The following TMEM132C variants were observed in gnomAD, a reference collection of about 807,000 sequenced individuals.
TMEM132C encodes the protein protein phosphatase 1, regulatory subunit 152.
Under a neutral mutation model 61.4 loss-of-function variants are expected in TMEM132C, and 29 were observed. That is an observed-to-expected ratio of 0.47 (90% CI 0.35 to 0.64). The LOEUF is 0.64. TMEM132C is among the 30% of genes least tolerant of loss of function. The pLI, the probability that TMEM132C is intolerant of heterozygous loss-of-function variation, is 0.00. For synonymous variants in TMEM132C, 656 were observed against 633.1 expected, an observed-to-expected ratio of 1.04 and a Z score of -0.54; for missense variants, 1,408 against 1,476.9, an observed-to-expected ratio of 0.95 and a Z score of 0.76.
chr12:128,588,654 G>C (rs1363291938), intron 3 of TMEM132C, among the ~76,000 whole-genome samples: 3 of 151,994 alleles, frequency 2.0e-5, no homozygotes, highest in African/African-American at 7.3e-5. Flanking sequence ...TTAGGGAGTG[G>C]GGACTATGAA....
At chr12:128,438,494 T>A (rs1054981122) in intron 2 of TMEM132C, among the ~76,000 whole-genome samples, 1 of 152,164 alleles carries the variant, frequency 6.6e-6, no homozygotes, top group African/African-American at 2.4e-5. Flanking sequence ...TCCTGAACTT[T>A]CCAGTCATCA....
At chr12:128,512,679 A>G (rs1160757072) in intron 2 of TMEM132C, among the ~76,000 whole-genome samples, 1 of 152,200 alleles carries the variant, frequency 6.6e-6, no homozygotes, top group Non-Finnish European at 1.5e-5. Flanking sequence ...GAGCTGCTGG[A>G]TCACAGGGAA....
At chr12:128,481,546 G>A (rs549089398) in intron 2 of TMEM132C, among the ~76,000 whole-genome samples, 3 of 152,328 alleles carry the variant, frequency 2.0e-5, no homozygotes, top group South Asian at 4.1e-4. Flanking sequence ...ACCCCCTGCC[G>A]TGCGGATGAG....
At chr12:128,436,170 A>G (rs1360619725) in intron 2 of TMEM132C, among the ~76,000 whole-genome samples, 1 of 152,184 alleles carries the variant, frequency 6.6e-6, no homozygotes, top group Non-Finnish European at 1.5e-5. Flanking sequence ...AAAGACTTAA[A>G]TGTTAGACCT....
intron 3 of TMEM132C, among the ~76,000 whole-genome samples, chr12:128,605,022 A>AATGGATGGATGG (rs3044836): frequency 6.7e-6 from 1 of 149,374 alleles, no homozygotes; most frequent in African/African-American, 2.5e-5. Context: ...ATAATAGATG[A>AATGGATGGATGG]ATGGATGGAT....
intron 3 of TMEM132C, among the ~76,000 whole-genome samples, chr12:128,554,295 G>A (rs1393939026): frequency 6.6e-6 from 1 of 152,178 alleles, no homozygotes; most frequent in Non-Finnish European, 1.5e-5. Context: ...GAATGACCAT[G>A]CCCTGCAGGC....
chr12:128,642,020 G>C (rs1173604216), intron 4 of TMEM132C, among the ~76,000 whole-genome samples: 2 of 150,712 alleles, frequency 1.3e-5, no homozygotes, highest in Non-Finnish European at 2.9e-5. Flanking sequence ...TGTTGGTCAG[G>C]CTGATCTCAA....
intron 4 of TMEM132C, among the ~76,000 whole-genome samples, chr12:128,622,360 A>AAAAAAATAT (rs1277080166): frequency 8.3e-4 from 25 of 30,112 alleles, no homozygotes; most frequent in East Asian, 1.1e-3. Context: ...AAAAAAAAAA[A>AAAAAAATAT]ATATATATAT....
intron 1 of TMEM132C, among the ~76,000 whole-genome samples, chr12:128,408,657 G>A (rs1437579314): frequency 1.3e-5 from 2 of 152,206 alleles, no homozygotes; most frequent in Non-Finnish European, 1.5e-5. Flanking sequence ...AGGGCCTTTT[G>A]TGCATGTTTT....
chr12:128,375,994 C>T lies in TMEM132C; in HGVS notation c.86-38738C>T, dbSNP rs552855784. On this transcript the variant is annotated intron_variant, in intron 1 of 8. Coordinates refer to ENST00000435159, the MANE Select transcript of TMEM132C (RefSeq NM_001136103.3). Reference sequence around the variant, plus strand: ...GTCGGAGCCCATGGGAAGCACCTTGCGTTTGAGGCTGCCTGCGGTGGGAAG... The same window carrying T: ...GTCGGAGCCCATGGGAAGCACCTTGTGTTTGAGGCTGCCTGCGGTGGGAAG... 1.7e-4 allele frequency among the ~76,000 whole-genome samples: 26 copies of T among 152,294 alleles called. 1 individual carries two copies. Among genetic ancestry groups the T allele is most frequent in the African/African-American group, 2.2e-4 (9 of 41,574 alleles).
chr12:128,306,162 A>C (rs1305459001), intron 1 of TMEM132C, among the ~76,000 whole-genome samples: 1 of 152,050 alleles, frequency 6.6e-6, no homozygotes, highest in Non-Finnish European at 1.5e-5. Flanking sequence ...TTTAGATGTG[A>C]ACATTTCAGC....
chr12:128,677,770 A>G (rs1358750053), intron 5 of TMEM132C, among the ~76,000 whole-genome samples: 1 of 152,190 alleles, frequency 6.6e-6, no homozygotes, highest in African/African-American at 2.4e-5. Flanking sequence ...CATTAGAGAA[A>G]GTTCATCTAT....
At chr12:128,493,029 A>G (rs1353271302) in intron 2 of TMEM132C, among the ~76,000 whole-genome samples, 1 of 152,150 alleles carries the variant, frequency 6.6e-6, no homozygotes, top group Non-Finnish European at 1.5e-5. Context: ...TTTTTGTATA[A>G]GGTGTAAGGA....
intron 2 of TMEM132C, among the ~76,000 whole-genome samples, chr12:128,501,625 A>G (rs1258963865): frequency 1.3e-5 from 2 of 152,224 alleles, no homozygotes; most frequent in African/African-American, 4.8e-5. Context: ...CAGAGCTTCA[A>G]TTATGCCCTG....
chr12:128,532,896 G>C (rs1873369847), intron 2 of TMEM132C, among the ~76,000 whole-genome samples: 1 of 152,126 alleles, frequency 6.6e-6, no homozygotes, highest in Non-Finnish European at 1.5e-5. Flanking sequence ...TGCCACGTTT[G>C]TTGATATACA....
intron 3 of TMEM132C, among the ~76,000 whole-genome samples, chr12:128,547,444 G>A (rs1050514173): frequency 5.3e-5 from 8 of 151,194 alleles, no homozygotes; most frequent in African/African-American, 1.9e-4. Context: ...GGCAGCTGTA[G>A]TCCCAGCTAC....
intron 1 of TMEM132C, among the ~76,000 whole-genome samples, chr12:128,385,585 G>T (rs181878959): frequency 1.3e-4 from 20 of 152,318 alleles, no homozygotes; most frequent in Admixed American, 1.0e-3. Flanking sequence ...TTTGTCTGCA[G>T]TATGTATAAA....
chr12:128,495,217 C>G (rs7306678), intron 2 of TMEM132C, among the ~76,000 whole-genome samples: 1 of 151,378 alleles, frequency 6.6e-6, no homozygotes, highest in East Asian at 2.0e-4. Flanking sequence ...GTTATAATTT[C>G]TGTTCTTTTA....
intron 2 of TMEM132C, among the ~76,000 whole-genome samples, chr12:128,495,672 T>G (rs2136104338): frequency 6.6e-6 from 1 of 152,308 alleles, no homozygotes; most frequent in South Asian, 2.1e-4. Flanking sequence ...TTTTTTTGTT[T>G]TCCATTTGCT....
Sources: allele counts gnomAD v4.1 joint callset (sites outside exome capture counted in the v4.1 genomes callset), GRCh38; gene constraint gnomAD v4.1.1; transcripts MANE v1.5; gene names NCBI Gene and HGNC (gene_info 2026-07-23, HGNC 2026-07-21).